PTGFR: variants seen among roughly 807,000 people sequenced by gnomAD.
The protein encoded by PTGFR is prostaglandin F receptor.
Under a neutral mutation model 26.2 loss-of-function variants are expected in PTGFR, and 15 were observed. The observed-to-expected ratio is 0.57, with a 90% CI of 0.38 to 0.88. The LOEUF is 0.88. PTGFR is among the 40% of genes least tolerant of loss of function. The pLI, the probability that PTGFR is intolerant of heterozygous loss-of-function variation, is 0.00. For synonymous variants in PTGFR, 165 were observed against 151.1 expected, an observed-to-expected ratio of 1.09 and a Z score of -0.68; for missense variants, 369 against 427.2, an observed-to-expected ratio of 0.86 and a Z score of 1.20.
At chr1:78,508,181 A>C (rs1649871387) in intron 2 of PTGFR, among the ~76,000 whole-genome samples, 1 of 152,046 alleles carries the variant, frequency 6.6e-6, no homozygotes, top group Non-Finnish European at 1.5e-5. Flanking sequence ...TTCCTCATGA[A>C]ATGCTTATTA....
intron 2 of PTGFR, among the ~76,000 whole-genome samples, chr1:78,528,870 C>A (rs1650439480): frequency 6.6e-6 from 1 of 151,964 alleles, no homozygotes; most frequent in Admixed American, 6.6e-5. Flanking sequence ...CACAGAAGAC[C>A]AACACATACA....
In PTGFR at chr1:78,539,849, A is replaced by G. The variant is rs1650752432; in HGVS notation, c.*3162A>G. 6.6e-6 allele frequency: 1 copy of G among 152,152 alleles called. No homozygotes were observed. Among genetic ancestry groups the G allele is most frequent in the African/African-American group, 2.4e-5 (1 of 41,418 alleles). The allele number at this position is 152,152 out of a possible 1,614,324, so 9.4% of individuals were successfully genotyped here. On this transcript the variant is annotated 3_prime_UTR_variant, in exon 3 of 3. Coordinates refer to ENST00000370757, the MANE Select transcript of PTGFR (RefSeq NM_000959.4). ...TACTGGATGAGAAGAATTTCAACTT[A>G]ATTTCCATTATTACCTTTTGCTCTC...
intron 2 of PTGFR, among the ~76,000 whole-genome samples, chr1:78,525,948 T>G (rs1452293674): frequency 6.6e-6 from 1 of 152,232 alleles, no homozygotes. Flanking sequence ...TCTTAGAAAC[T>G]GTTCCAATTG....
intron 2 of PTGFR, among the ~76,000 whole-genome samples, chr1:78,506,639 C>T (rs1649833863): frequency 6.6e-6 from 1 of 151,824 alleles, no homozygotes; most frequent in Non-Finnish European, 1.5e-5. Context: ...AAATTTGCTA[C>T]TAAATGTATA....
At chr1:78,517,852 G>A (rs1199741330) in intron 2 of PTGFR, among the ~76,000 whole-genome samples, 1 of 152,116 alleles carries the variant, frequency 6.6e-6, no homozygotes, top group Admixed American at 6.6e-5. Context: ...GATTATAATG[G>A]AACAGAATAT....
At chr1:78,527,963 C>G (rs1570296624) in intron 2 of PTGFR, among the ~76,000 whole-genome samples, 2 of 152,132 alleles carry the variant, frequency 1.3e-5, no homozygotes, top group South Asian at 4.1e-4. Context: ...GCTTCCGAAA[C>G]AGTTGAAGGA....
intron 2 of PTGFR, among the ~76,000 whole-genome samples, chr1:78,519,761 T>C (rs1391103303): frequency 6.6e-6 from 1 of 152,120 alleles, no homozygotes; most frequent in African/African-American, 2.4e-5. Context: ...GTTTAATCTA[T>C]GCCAAGCAAC....
intron 2 of PTGFR, among the ~76,000 whole-genome samples, chr1:78,534,284 A>T (rs1485600225): frequency 2.6e-5 from 4 of 152,104 alleles, no homozygotes; most frequent in African/African-American, 9.7e-5. Flanking sequence ...TTGTCAGGAG[A>T]CTGTTGCCAG....
chr1:78,507,929 C>G (rs1463132270), intron 2 of PTGFR, among the ~76,000 whole-genome samples: 3 of 152,150 alleles, frequency 2.0e-5, no homozygotes, highest in Admixed American at 6.5e-5. Context: ...AAAGACCTTG[C>G]TGACTTTATT....
chr1:78,528,317 A>G (rs934348077), intron 2 of PTGFR, among the ~76,000 whole-genome samples: 4 of 150,132 alleles, frequency 2.7e-5, no homozygotes, highest in African/African-American at 7.3e-5. Context: ...AAAAAAAAAA[A>G]AAAAAGCACA....
chr1:78,516,659 T>C (rs934771564), intron 2 of PTGFR, among the ~76,000 whole-genome samples: 2 of 152,190 alleles, frequency 1.3e-5, no homozygotes, highest in African/African-American at 4.8e-5. Flanking sequence ...TCTTAATTTA[T>C]CTAAGTAAAT....
At chr1:78,508,125 G>T (rs1649870127) in intron 2 of PTGFR, among the ~76,000 whole-genome samples, 1 of 151,750 alleles carries the variant, frequency 6.6e-6, no homozygotes, top group Admixed American at 6.6e-5. Flanking sequence ...TCACAGAAAT[G>T]TTCTATTTTC....
intron 2 of PTGFR, among the ~76,000 whole-genome samples, chr1:78,527,601 C>T (rs553163050): frequency 6.6e-6 from 1 of 152,236 alleles, no homozygotes; most frequent in South Asian, 2.1e-4. Flanking sequence ...CACATTAAAT[C>T]TGTCTTCTGT....
rs1650741745 is a variant in PTGFR, at chr1:78,539,526, C to T, written c.*2839C>T. 3 of 152,456 alleles carry T rather than the reference C, an allele frequency of 2.0e-5. No homozygotes were observed. The highest frequency in any genetic ancestry group is 7.2e-5 in the African/African-American group (3 of 41,416). 9.4% of individuals were successfully genotyped at this position (152,456 alleles called of 1,614,324 possible). A position where few individuals can be genotyped will look rare whatever the true frequency, so the allele number is the denominator to read the frequency against. On this transcript the variant is annotated 3_prime_UTR_variant, in exon 3 of 3. Transcript: ENST00000370757. ...TTACCACCTGGTAAATAATGTTGGACTTCAACTTGTTACTGGCACATTTTA... is the reference window on the plus strand; with the variant it reads ...TTACCACCTGGTAAATAATGTTGGATTTCAACTTGTTACTGGCACATTTTA...
intron 2 of PTGFR, among the ~76,000 whole-genome samples, chr1:78,500,977 C>A (rs1006236912): frequency 2.6e-5 from 4 of 151,886 alleles, no homozygotes; most frequent in African/African-American, 9.7e-5. Context: ...TTATTTTAAA[C>A]TTATTTACTC....
At position 78,540,690 on chromosome 1, in the gene PTGFR, G is replaced by T. The variant is rs1650774779; in HGVS notation, c.*4003G>T. ...GGTTGCTTTTCTAATAAATGAAAAT[G>T]ACTAAAATGTATTTTGCCTTTGCAC... On this transcript the variant is annotated 3_prime_UTR_variant, in exon 3 of 3. Transcript: ENST00000370757. Among the ~76,000 whole-genome samples the T allele has an allele frequency of 1.3e-5, 2 of 152,098 alleles. No individual in the cohort carries two copies. The highest frequency in any genetic ancestry group is 4.8e-5 in the African/African-American group (2 of 41,434).
intron 2 of PTGFR, among the ~76,000 whole-genome samples, chr1:78,503,233 T>C (rs913343581): frequency 1.3e-5 from 2 of 151,836 alleles, no homozygotes; most frequent in Non-Finnish European, 2.9e-5. Flanking sequence ...GTAGAAAAAT[T>C]GTCAGATAAT....
At chr1:78,528,723 A>G (rs780440739) in intron 2 of PTGFR, among the ~76,000 whole-genome samples, 2 of 152,172 alleles carry the variant, frequency 1.3e-5, no homozygotes, top group Non-Finnish European at 2.9e-5. Context: ...GCCGAGGCAC[A>G]GGGAACCAAC....
At chr1:78,518,758 A>G (rs1378833619) in intron 2 of PTGFR, among the ~76,000 whole-genome samples, 1 of 152,124 alleles carries the variant, frequency 6.6e-6, no homozygotes, top group Non-Finnish European at 1.5e-5. Flanking sequence ...TTAATATCAC[A>G]GCTCCCATCA....
Sources: allele counts gnomAD v4.1 joint callset (sites outside exome capture counted in the v4.1 genomes callset), GRCh38; gene constraint gnomAD v4.1.1; transcripts MANE v1.5; gene names NCBI Gene and HGNC (gene_info 2026-07-23, HGNC 2026-07-21).